Variants in PI4K2A observed in about 807,000 individuals in gnomAD.
The protein encoded by PI4K2A is phosphatidylinositol 4-kinase type 2-alpha.
A neutral mutation model predicts 55.0 loss-of-function variants in PI4K2A; 20 were observed. The observed-to-expected ratio is 0.36, with a 90% CI of 0.26 to 0.53. The LOEUF (loss-of-function observed/expected upper bound fraction) is 0.53. Ranked by LOEUF, PI4K2A falls within the 20% of genes least tolerant of loss-of-function variation. The pLI is 0.91. For synonymous variants in PI4K2A, 235 were observed against 258.5 expected (o/e 0.91, Z 0.87); for missense variants, 463 against 637.1 (o/e 0.73, Z 2.94).
chr10:97,644,215 G>A (rs1243615430), intron 1 of PI4K2A, among the ~76,000 whole-genome samples: 2 of 152,204 alleles, frequency 1.3e-5, no homozygotes, highest in African/African-American at 4.8e-5. Context: ...GCCGAGCACT[G>A]TGGCAGGCAC....
chr10:97,670,490 A>G (rs895489173), intron 8 of PI4K2A, among the ~76,000 whole-genome samples: 2 of 152,158 alleles, frequency 1.3e-5, no homozygotes, highest in African/African-American at 4.8e-5. Flanking sequence ...CTCTCCCTAG[A>G]TATTCTTTTT....
chr10:97,666,623 A>G (rs749498127), intron 7 of PI4K2A, 52 bp downstream of exon 7: 6 of 1,516,726 alleles, frequency 4.0e-6, no homozygotes, highest in Non-Finnish European at 5.4e-6. Flanking sequence ...GGAATTTTTA[A>G]TGGTTTTTTT....
At chr10:97,641,408 T>A (rs761091035) in intron 1 of PI4K2A, among the ~76,000 whole-genome samples, 34 of 151,624 alleles carry the variant, frequency 2.2e-4, no homozygotes, top group Non-Finnish European at 4.0e-4. Flanking sequence ...AAGAGGAAAT[T>A]GACCAGATAC....
intron 4 of PI4K2A, among the ~76,000 whole-genome samples, chr10:97,660,319 G>A (rs1216084893): frequency 2.9e-5 from 4 of 138,972 alleles, no homozygotes; most frequent in Non-Finnish European, 4.6e-5. Context: ...TTTTTGAGAC[G>A]GAGTCTCACT....
chr10:97,669,583 C>A (rs2041625993), intron 8 of PI4K2A, among the ~76,000 whole-genome samples: 1 of 152,224 alleles, frequency 6.6e-6, no homozygotes, highest in African/African-American at 2.4e-5. Context: ...CCATCCAGCT[C>A]CTTCCAACAT....
intron 1 of PI4K2A, among the ~76,000 whole-genome samples, chr10:97,641,732 T>C (rs7082459): frequency 0.098 from 14,944 of 152,212 alleles, 1,572 homozygotes; most frequent in African/African-American, 0.25. Flanking sequence ...CAGTTTCATC[T>C]GCCCTGGGTA....
chr10:97,662,837 C>T, intron 4 of PI4K2A, 70 bp from the exon 5 acceptor site: 2 of 900,012 alleles, frequency 2.2e-6, no homozygotes, highest in Non-Finnish European at 3.8e-6. Context: ...GTCCAGAATA[C>T]CTAGTCCACC....
chr10:97,644,475 C>T (rs1438139074), intron 1 of PI4K2A, among the ~76,000 whole-genome samples: 1 of 152,190 alleles, frequency 6.6e-6, no homozygotes, highest in Non-Finnish European at 1.5e-5. Flanking sequence ...GGTTCATTTA[C>T]ACCTCATGTA....
chr10:97,663,507 CTTTTCTTTCTTTTTTT>C (rs1270198711), intron 5 of PI4K2A, among the ~76,000 whole-genome samples: 1 of 150,406 alleles, frequency 6.6e-6, no homozygotes, highest in African/African-American at 2.4e-5. Flanking sequence ...TTTCTTTTTT[CTTTTCTTTCTTTTTTT>C]TTTTTTTAAG....
Position 97,651,150 on chromosome 10 carries a change from C to T in PI4K2A, c.636+9C>T, listed in dbSNP as rs759071783. On this transcript the variant is annotated intron_variant, in intron 2 of 8. Coordinates refer to ENST00000370631, the Ensembl canonical transcript of PI4K2A. ...TTGTTCCCCGTACAAAGGTCAGTGA[C>T]CCATCTCCAGGAAGCCTTACTGCCT... is the stretch of plus-strand genomic sequence containing the variant. The T allele has an allele frequency of 1.9e-6, 3 of 1,609,020 alleles. No homozygotes were observed. In the South Asian group the frequency reaches 3.3e-5, roughly 18 times the overall value.
intron 8 of PI4K2A, among the ~76,000 whole-genome samples, chr10:97,673,002 TGA>T (rs1393090329): frequency 9.2e-5 from 14 of 151,926 alleles, no homozygotes; most frequent in African/African-American, 4.8e-5. Context: ...TTTTGTTTTT[TGA>T]GATGGAGTCT....
intron 4 of PI4K2A, among the ~76,000 whole-genome samples, chr10:97,660,243 T>C (rs1463685192): frequency 3.8e-4 from 57 of 150,858 alleles, no homozygotes; most frequent in African/African-American, 1.3e-3. Flanking sequence ...CCTCGTGATC[T>C]GCCCGCCTTG....
At chr10:97,664,251 C>T (rs1198542032) in intron 5 of PI4K2A, among the ~76,000 whole-genome samples, 1 of 152,174 alleles carries the variant, frequency 6.6e-6, no homozygotes, top group Non-Finnish European at 1.5e-5. Flanking sequence ...GTTCTTGTTC[C>T]TGTGATGGCA....
In PI4K2A at chr10:97,664,738, A is replaced by T. The variant is rs976998714; in HGVS notation, c.985-147A>T. ...CAAAATGTGCTAAGTTCAGATAACA[A>T]CATGGAAGCCAGTTCAGAGAGTAGC... On this transcript the variant is annotated intron_variant, in intron 5 of 8. Coordinates refer to ENST00000370631, the Ensembl canonical transcript of PI4K2A. 2.1e-5 allele frequency: 13 copies of T among 605,114 alleles called. No individual in the cohort carries two copies. In the African/African-American group the frequency reaches 2.2e-4, roughly 10 times the overall value. The allele number at this position is 605,114 out of a possible 1,614,324, so 37.5% of individuals were successfully genotyped here. A position where few individuals can be genotyped will look rare whatever the true frequency, so the allele number is the denominator to read the frequency against.
chr10:97,650,708 A>T (rs902403557), intron 1 of PI4K2A, among the ~76,000 whole-genome samples: 10 of 152,232 alleles, frequency 6.6e-5, no homozygotes, highest in African/African-American at 2.4e-4. Flanking sequence ...AGCAAGGAAG[A>T]AAGAGAAGAC....
chr10:97,640,897 C>A (rs1156488634), exon 1 of PI4K2A: 116 of 1,288,892 alleles, frequency 9.0e-5, no homozygotes, highest in Non-Finnish European at 1.1e-4. Context: ...CCGGGCTCGC[C>A]GGGCCACGAC....
At chr10:97,667,219 T>C (rs1008799163) in intron 8 of PI4K2A, 99 bp downstream of exon 8, 8 of 761,700 alleles carry the variant, frequency 1.1e-5, no homozygotes, top group East Asian at 8.0e-5. Flanking sequence ...TACCCCCCCC[T>C]TTTTTTTTGA....
intron 8 of PI4K2A, among the ~76,000 whole-genome samples, chr10:97,669,087 A>G (rs2041623765): frequency 6.6e-6 from 1 of 152,130 alleles, no homozygotes; most frequent in Non-Finnish European, 1.5e-5. Context: ...GGTGGTCTCA[A>G]ACTCCTGATC....
Position 97,644,806 on chromosome 10 carries a change from G to A in PI4K2A, c.435+3629G>A, listed in dbSNP as rs143806225. 8.5e-3 allele frequency among the ~76,000 whole-genome samples: 1,287 copies of A among 151,596 alleles called. 20 individuals carry two copies. The highest frequency in any genetic ancestry group is 0.028 in the African/African-American group (1,175 of 41,406). On this transcript the variant is annotated intron_variant, in intron 1 of 8. Coordinates refer to ENST00000370631, the Ensembl canonical transcript of PI4K2A. ...GAACTATAGTCTTTTTTCTTTTTTC[G>A]CCCAGGTAAAAATCATGGGTCTTGT...
Sources: allele counts gnomAD v4.1 joint callset (sites outside exome capture counted in the v4.1 genomes callset), GRCh38; gene constraint gnomAD v4.1.1; transcripts MANE v1.5; gene names NCBI Gene and HGNC (gene_info 2026-07-23, HGNC 2026-07-21).